Variants in GRAMD4 observed in about 807,000 individuals in gnomAD.
The protein encoded by GRAMD4 is GRAM domain containing 4.
A neutral mutation model predicts 83.9 loss-of-function variants in GRAMD4; 25 were observed. The observed-to-expected ratio is 0.30, with a 90% CI of 0.22 to 0.42. The LOEUF is 0.42. Among genes scored for constraint, GRAMD4 ranks in the 10% least tolerant of loss-of-function variants. The pLI is 1.00. For synonymous variants in GRAMD4, 336 were observed against 320.9 expected (o/e 1.05, Z -0.50); for missense variants, 593 against 788.7 (o/e 0.75, Z 2.97).
chr22:46,663,010 G>C, intron 5 of GRAMD4, 30 bp from the exon 6 acceptor site: 3 of 1,579,568 alleles, frequency 1.9e-6, no homozygotes, highest in Non-Finnish European at 1.7e-6. Flanking sequence ...CAGCCCTGCC[G>C]TGCCCTCACC....
At chr22:46,605,112 G>T (rs2081352788) in intron 1 of GRAMD4, among the ~76,000 whole-genome samples, 1 of 146,346 alleles carries the variant, frequency 6.8e-6, no homozygotes. Flanking sequence ...TGTTCTCTGG[G>T]TTCACCCAGG....
rs34423766 is a variant in GRAMD4 at position 46,648,803 on chromosome 22, C to CATGGATGGATGG, written c.284-9352_284-9341dup. Reference sequence around the variant, plus strand: ...GGATGGATGGATGGATGGATGGATGCATGGATGGATGGATGGATGGATGGA... The same window carrying CATGGATGGATGG: ...GGATGGATGGATGGATGGATGGATGCATGGATGGATGGATGGATGGATGGATGGATGGATGGA... On this transcript the variant is annotated intron_variant, in intron 3 of 18. Transcript: ENST00000406902. Among the ~76,000 whole-genome samples the CATGGATGGATGG allele has an allele frequency of 1.1e-4, 3 of 27,212 alleles. 1 individual carries two copies. The highest frequency in any genetic ancestry group is 3.3e-4 in the African/African-American group (2 of 6,018). 17.9% of individuals were successfully genotyped at this position (27,212 alleles called of 152,430 possible). A position where few individuals can be genotyped will look rare whatever the true frequency, so the allele number is the denominator to read the frequency against.
chr22:46,679,886 G>A (rs1381372821), downstream of GRAMD4: 28 of 687,470 alleles, frequency 4.1e-5, no homozygotes, highest in Non-Finnish European at 4.7e-5. Flanking sequence ...CTGCCAGCCC[G>A]CCACTCCCTG....
chr22:46,639,168 G>T (rs2081936315), intron 3 of GRAMD4, among the ~76,000 whole-genome samples: 1 of 151,934 alleles, frequency 6.6e-6, no homozygotes, highest in Non-Finnish European at 1.5e-5. Context: ...GTGTGTGTGT[G>T]TGTGTGTGTG....
intron 1 of GRAMD4, among the ~76,000 whole-genome samples, chr22:46,603,511 T>TCA (rs1477778960): frequency 1.7e-5 from 2 of 118,120 alleles, no homozygotes; most frequent in Admixed American, 9.1e-5. Flanking sequence ...GCCCGGCCTC[T>TCA]TCTCTTTTTT....
At chr22:46,644,897 CTTTTTTTTTTTTTTTTTTTTT>C (rs35677843) in intron 3 of GRAMD4, among the ~76,000 whole-genome samples, 1 of 40,986 alleles carries the variant, frequency 2.4e-5, no homozygotes, top group Admixed American at 4.0e-4. Flanking sequence ...TGCACATGGC[CTTTTTTTTTTTTTTTTTTTTT>C]TTTTTTTTTT....
intron 1 of GRAMD4, among the ~76,000 whole-genome samples, chr22:46,612,187 C>T (rs138508): frequency 0.8 from 121,380 of 151,690 alleles, 49,212 homozygotes; most frequent in East Asian, 1. Context: ...TTTTATTTTT[C>T]GTAGAGGCGG....
chr22:46,654,517 G>T (rs1906181627), intron 3 of GRAMD4, among the ~76,000 whole-genome samples: 1 of 152,248 alleles, frequency 6.6e-6, no homozygotes, highest in South Asian at 2.1e-4. Context: ...ACGAGGGCGG[G>T]GGGCTGGGGG....
chr22:46,663,540 G>A (rs887129795), intron 6 of GRAMD4, among the ~76,000 whole-genome samples: 2 of 152,196 alleles, frequency 1.3e-5, no homozygotes, highest in East Asian at 3.9e-4. Flanking sequence ...AGGGAGCTAG[G>A]TCAGCAAAGG....
chr22:46,632,317 G>A (rs553430459), intron 2 of GRAMD4, among the ~76,000 whole-genome samples: 133 of 152,330 alleles, frequency 8.7e-4, no homozygotes, highest in African/African-American at 3.2e-3. Context: ...CAGCGTCTGG[G>A]GTGACCCCCG....
chr22:46,676,707 G>T (rs1372682078), intron 18 of GRAMD4, 39 bp downstream of exon 18: 1 of 1,524,192 alleles, frequency 6.6e-7, no homozygotes, highest in Admixed American at 2.0e-5. Context: ...GGTTGGTGTG[G>T]GCCCAGGGGC....
At chr22:46,619,997 C>T (rs190191580), upstream of GRAMD4, among the ~76,000 whole-genome samples, 8 of 152,254 alleles carry the variant, frequency 5.3e-5, no homozygotes, top group Admixed American at 3.9e-4. Flanking sequence ...TGCCAGCAGC[C>T]GGGCCCTGAT....
chr22:46,666,730 C>T (rs2082414530), intron 9 of GRAMD4, 95 bp from the exon 10 acceptor site: 1 of 1,072,946 alleles, frequency 9.3e-7, no homozygotes, highest in South Asian at 1.3e-5. Context: ...AGGGCCCCCT[C>T]CAAGCCCAGC....
rs1326228660 is a variant in GRAMD4, at chr22:46,676,702, G to A, written c.1632+34G>A. On this transcript the variant is annotated intron_variant, in intron 18 of 18. Coordinates refer to ENST00000406902, the MANE Select transcript of GRAMD4 (RefSeq NM_015124.5). ...CGGGCGGGGGGCCGCCAAGGGGTTG[G>A]TGTGGGCCCAGGGGCCTGACTCTGA... 3.9e-6 allele frequency: 6 copies of A among 1,538,008 alleles called. No individual in the cohort carries two copies. The South Asian group carries it at 4.8e-5, about 12-fold the overall frequency.
intron 2 of GRAMD4, among the ~76,000 whole-genome samples, chr22:46,627,311 C>T (rs2081680887): frequency 6.6e-6 from 1 of 152,242 alleles, no homozygotes; most frequent in Admixed American, 6.5e-5. Context: ...TGTCTGGAAG[C>T]CGCTGGTGCC....
chr22:46,638,042 A>T (rs1415838904), intron 3 of GRAMD4, 82 bp downstream of exon 3: 2 of 1,485,334 alleles, frequency 1.3e-6, no homozygotes, highest in Non-Finnish European at 1.9e-6. Context: ...CTTGCCCAGG[A>T]GCTGGGTCTG....
intron 3 of GRAMD4, among the ~76,000 whole-genome samples, chr22:46,639,149 C>CATGA (rs1282714267): frequency 1.7e-5 from 2 of 119,456 alleles, no homozygotes; most frequent in Admixed American, 9.3e-5. Context: ...ACGGTGTGTG[C>CATGA]GTGAGTGTGT....
At chr22:46,658,371 C>T in intron 4 of GRAMD4, 64 bp downstream of exon 4, 1 of 1,455,426 alleles carries the variant, frequency 6.9e-7, no homozygotes, top group Non-Finnish European at 9.3e-7. Flanking sequence ...CCCCACCCGC[C>T]CCGCCGTCCT....
intron 1 of GRAMD4, among the ~76,000 whole-genome samples, chr22:46,608,711 T>C (rs2147081768): frequency 6.6e-6 from 1 of 151,698 alleles, no homozygotes; most frequent in Non-Finnish European, 1.5e-5. Context: ...CTGGCCAATA[T>C]ATATATTTTT....
Sources: gnomAD v4.1 joint callset for allele counts (sites outside exome capture counted in the v4.1 genomes callset) on GRCh38, gnomAD v4.1.1 for gene constraint, MANE v1.5 for transcripts, NCBI Gene and HGNC (gene_info 2026-07-23, HGNC 2026-07-21) for gene names.